Variants in PRDM6 observed in about 807,000 individuals in gnomAD.
PRDM6 encodes PR/SET domain 6, also known as putative histone-lysine N-methyltransferase PRDM6.
Under a neutral mutation model 60.8 loss-of-function variants are expected in PRDM6, and 25 were observed. The ratio of observed to expected loss-of-function variants is 0.41; its 90% CI spans 0.30 to 0.57. The LOEUF (loss-of-function observed/expected upper bound fraction) is 0.57, where lower values mean the gene tolerates loss of function less well. Ranked by LOEUF, PRDM6 falls within the 20% of genes least tolerant of loss-of-function variation. The pLI is 0.27. For synonymous variants in PRDM6, 407 were observed against 357.4 expected, an observed-to-expected ratio of 1.14 and a Z score of -1.57; for missense variants, 839 against 821.3, an observed-to-expected ratio of 1.02 and a Z score of -0.26.
intron 3 of PRDM6, among the ~76,000 whole-genome samples, chr5:123,132,964 A>G (rs1764867516): frequency 6.6e-6 from 1 of 152,108 alleles, no homozygotes; most frequent in Non-Finnish European, 1.5e-5. Flanking sequence ...TTCTCTGACA[A>G]AAAGTATATT....
Position 123,149,764 on chromosome 5 carries a change from A to G in PRDM6, c.901-6120A>G, listed in dbSNP as rs1001315900. Among the ~76,000 whole-genome samples, 4 of 152,318 alleles carry G rather than the reference A, an allele frequency of 2.6e-5. No homozygotes were observed. The East Asian group carries it at 7.7e-4, about 29-fold the overall frequency. ...GATTCATCTGGGAGATAAAATATAA[A>G]CTATTAACACGTCAACTGTTTTACT... On this transcript the variant is annotated intron_variant, in intron 3 of 7. Coordinates refer to ENST00000407847, the MANE Select transcript of PRDM6 (RefSeq NM_001136239.4).
At chr5:123,138,693 A>C (rs777907966) in intron 3 of PRDM6, among the ~76,000 whole-genome samples, 5 of 152,178 alleles carry the variant, frequency 3.3e-5, no homozygotes, top group Non-Finnish European at 7.3e-5. Flanking sequence ...TAATCATAGA[A>C]TTTTCAATAT....
At chr5:123,160,006 A>G (rs1237774707) in intron 5 of PRDM6, among the ~76,000 whole-genome samples, 2 of 152,264 alleles carry the variant, frequency 1.3e-5, no homozygotes, top group African/African-American at 4.8e-5. Context: ...GAAGGGATGT[A>G]CAGTCCTGTG....
chr5:123,186,809 C>T (rs971231000), intron 7 of PRDM6, among the ~76,000 whole-genome samples: 2 of 152,222 alleles, frequency 1.3e-5, no homozygotes, highest in East Asian at 3.8e-4. Context: ...TGTTCTTTAT[C>T]TATTTGAACT....
intron 5 of PRDM6, among the ~76,000 whole-genome samples, chr5:123,162,199 G>A (rs559314047): frequency 1.1e-4 from 16 of 152,226 alleles, no homozygotes; most frequent in Admixed American, 3.3e-4. Context: ...GATCTCTGGC[G>A]TGGGAGACTC....
At chr5:123,124,135 G>A (rs533129371) in intron 3 of PRDM6, among the ~76,000 whole-genome samples, 1 of 152,212 alleles carries the variant, frequency 6.6e-6, no homozygotes, top group East Asian at 1.9e-4. Context: ...AAGTTGGGTT[G>A]GGCATCCTTA....
intron 3 of PRDM6, among the ~76,000 whole-genome samples, chr5:123,120,324 C>T (rs922484637): frequency 6.6e-6 from 1 of 152,152 alleles, no homozygotes; most frequent in African/African-American, 2.4e-5. Flanking sequence ...TCATTCTCCT[C>T]TAGGAATTCT....
intron 2 of PRDM6, among the ~76,000 whole-genome samples, chr5:123,098,150 G>C (rs1325603207): frequency 3.3e-5 from 5 of 152,234 alleles, no homozygotes; most frequent in Non-Finnish European, 7.3e-5. Context: ...AGCGCAGATA[G>C]GGCACATCCA....
chr5:123,125,826 C>G (rs1449774082), intron 3 of PRDM6, among the ~76,000 whole-genome samples: 1 of 152,182 alleles, frequency 6.6e-6, no homozygotes, highest in Non-Finnish European at 1.5e-5. Context: ...CAGGGAGTTT[C>G]ATGCACTGGA....
chr5:123,170,346 A>C (rs1765857273), intron 5 of PRDM6, among the ~76,000 whole-genome samples: 1 of 152,178 alleles, frequency 6.6e-6, no homozygotes, highest in South Asian at 2.1e-4. Flanking sequence ...GAAATTCTCC[A>C]TCAGTCAAGC....
At chr5:123,151,790 C>G (rs901611) in intron 3 of PRDM6, among the ~76,000 whole-genome samples, 36 of 152,054 alleles carry the variant, frequency 2.4e-4, no homozygotes, top group Non-Finnish European at 4.6e-4. Context: ...CCTTGGGCCC[C>G]TAGAGGTGTC....
In PRDM6 at chr5:123,189,934, C is replaced by T. The variant is rs1162424359; in HGVS notation, c.*2733C>T. On this transcript the variant is annotated 3_prime_UTR_variant, in exon 8 of 8. Coordinates refer to ENST00000407847, the MANE Select transcript of PRDM6 (RefSeq NM_001136239.4). ...TCTCTTTGAAACTTCCTAACAATTG[C>T]TTTAGCCTTTTCTATTTAAAGTGGA... 6.6e-6 allele frequency: 1 copy of T among 152,200 alleles called. No individual in the cohort carries two copies. The highest frequency in any genetic ancestry group is 2.4e-5 in the African/African-American group (1 of 41,454). The allele number at this position is 152,200 out of a possible 1,614,324, so 9.4% of individuals were successfully genotyped here.
chr5:123,089,855 C>A (rs531390764), intron 1 of PRDM6, 145 bp from the exon 2 acceptor site: 1 of 620,634 alleles, frequency 1.6e-6, no homozygotes, highest in Non-Finnish European at 2.8e-6. Context: ...TGCGCCCAAG[C>A]GGAGTTGGGA....
At chr5:123,179,812 A>G (rs954890733) in intron 6 of PRDM6, among the ~76,000 whole-genome samples, 3 of 152,226 alleles carry the variant, frequency 2.0e-5, no homozygotes, top group African/African-American at 4.8e-5. Flanking sequence ...CTCTTGTAAC[A>G]GTCTGCTTAA....
At chr5:123,156,101 A>AG in intron 4 of PRDM6, 90 bp downstream of exon 4, 3 of 1,317,728 alleles carry the variant, frequency 2.3e-6, no homozygotes, top group Non-Finnish European at 3.1e-6. Flanking sequence ...GGTAAAAAAA[A>AG]TCCTGCAGAA....
At chr5:123,096,718 A>G (rs574740235) in intron 2 of PRDM6, among the ~76,000 whole-genome samples, 1 of 152,284 alleles carries the variant, frequency 6.6e-6, no homozygotes, top group Admixed American at 6.5e-5. Context: ...TCAGTTTTTC[A>G]CTTTTAATAG....
intron 5 of PRDM6, among the ~76,000 whole-genome samples, chr5:123,163,671 G>A (rs915318999): frequency 2.4e-4 from 37 of 152,214 alleles, no homozygotes; most frequent in Admixed American, 1.3e-4. Flanking sequence ...TCCGCAAGAA[G>A]GAATGAGGTT....
chr5:123,128,285 G>A (rs923157371), intron 3 of PRDM6, among the ~76,000 whole-genome samples: 8 of 152,206 alleles, frequency 5.3e-5, no homozygotes, highest in Non-Finnish European at 1.0e-4. Context: ...TATATACCCA[G>A]TAATGGGATG....
At position 123,090,473 on chromosome 5, in the gene PRDM6, TGGC is replaced by T. The variant is rs756967815; in HGVS notation, c.471_473del (p.Gly158del). Reference sequence around the variant, plus strand: ...CCGGGCCCGTCAAGTGCGGTGGTGGTGGCGGCGGCGGCGGGGAGGGTCGCGGCG... The same window carrying T: ...CCGGGCCCGTCAAGTGCGGTGGTGGTGGCGGCGGCGGGGAGGGTCGCGGCG... On this transcript the variant is annotated inframe_deletion, in exon 2 of 8. Coordinates refer to ENST00000407847, the MANE Select transcript of PRDM6 (RefSeq NM_001136239.4). 58 of 1,482,554 alleles carry T rather than the reference TGGC, an allele frequency of 3.9e-5. No homozygotes were observed. Among genetic ancestry groups the T allele is most frequent in the Admixed American group, 2.0e-4 (9 of 44,128 alleles). 91.8% of individuals were successfully genotyped at this position (1,482,554 alleles called of 1,614,324 possible).
Sources: gnomAD v4.1 joint callset for allele counts (sites outside exome capture counted in the v4.1 genomes callset) on GRCh38, gnomAD v4.1.1 for gene constraint, MANE v1.5 for transcripts, NCBI Gene and HGNC (gene_info 2026-07-23, HGNC 2026-07-21) for gene names.